Variants in MAU2 observed in about 807,000 individuals in gnomAD.
The protein encoded by MAU2 is MAU2 chromatid cohesion factor homolog.
In MAU2, 9 loss-of-function variants were observed where a neutral mutation model predicts 89.1. The ratio of observed to expected loss-of-function variants is 0.10; its 90% confidence interval spans 0.06 to 0.18. The LOEUF (loss-of-function observed/expected upper bound fraction) is 0.18, where lower values mean the gene tolerates loss of function less well. MAU2 is among the 10% of genes least tolerant of loss of function. The pLI is 1.00. For synonymous variants in MAU2, 357 were observed against 343.4 expected (o/e 1.04, Z -0.44); for missense variants, 425 against 803.5 (o/e 0.53, Z 5.69).
Position 19,345,534 on chromosome 19 carries a change from C to T in MAU2, c.1221+165C>T, listed in dbSNP as rs945980384. The stretch of plus-strand genomic sequence containing the variant: ...GCCCATGCCAGCCTTGGCAGTGACG[C>T]GCTGTTTATCTGGATAAGGGACAGC... On this transcript the variant is annotated intron_variant, in intron 12 of 18. Coordinates refer to ENST00000262815, the MANE Select transcript of MAU2 (RefSeq NM_015329.4). The surrounding 1 kb of genome is among the most constrained non-coding windows in gnomAD (Gnocchi z 4.9). Among the ~76,000 whole-genome samples the T allele has an allele frequency of 6.6e-6, 1 of 152,302 alleles. No homozygotes were observed. The highest frequency in any genetic ancestry group is 1.9e-4 in the East Asian group (1 of 5,186).
intron 1 of MAU2, among the ~76,000 whole-genome samples, chr19:19,324,996 G>A (rs1049099178): frequency 5.3e-5 from 8 of 151,922 alleles, no homozygotes; most frequent in African/African-American, 9.7e-5. Flanking sequence ...ATAAAGAATC[G>A]TATGTTCTCC....
chr19:19,322,966 C>G (rs2061473752), intron 1 of MAU2, among the ~76,000 whole-genome samples: 1 of 152,072 alleles, frequency 6.6e-6, no homozygotes, highest in African/African-American at 2.4e-5. Context: ...TCTCAGCCCA[C>G]TGCAACCTCC....
intron 17 of MAU2, 63 bp from the exon 18 acceptor site, chr19:19,355,201 G>A (rs905744280): frequency 1.6e-5 from 26 of 1,605,712 alleles, no homozygotes; most frequent in East Asian, 4.5e-5. Context: ...CATCTGCACC[G>A]AGTGGGAGGG....
intron 16 of MAU2, among the ~76,000 whole-genome samples, chr19:19,351,730 A>C (rs2146709120): frequency 6.6e-6 from 1 of 152,260 alleles, no homozygotes; most frequent in South Asian, 2.1e-4. Context: ...GTTCATAATT[A>C]AAAGGCTGAG....
At chr19:19,353,965 G>A (rs185129699) in intron 16 of MAU2, 14 of 239,012 alleles carry the variant, frequency 5.9e-5, no homozygotes, top group African/African-American at 2.2e-4. Context: ...AAGACAAACC[G>A]GAGGGGCTGC....
intron 1 of MAU2, among the ~76,000 whole-genome samples, chr19:19,323,995 A>G (rs1178503694): frequency 6.6e-6 from 1 of 152,196 alleles, no homozygotes; most frequent in Non-Finnish European, 1.5e-5. Context: ...GATTCATTCA[A>G]CAGATACTTG....
intron 16 of MAU2, chr19:19,353,721 C>T (rs568234984): frequency 1.3e-5 from 2 of 157,658 alleles, no homozygotes; most frequent in Non-Finnish European, 2.8e-5. Context: ...GTAGCACAGG[C>T]TCCTGTCTGC....
At chr19:19,322,941 A>AGT (rs1313224661) in intron 1 of MAU2, among the ~76,000 whole-genome samples, 69 of 152,212 alleles carry the variant, frequency 4.5e-4, no homozygotes, top group African/African-American at 1.6e-3. Flanking sequence ...CCGGGGCTGT[A>AGT]GCGCAATGGC....
chr19:19,358,386 C>A lies in MAU2; in HGVS notation c.*2604C>A, dbSNP rs2048202580. On this transcript the variant is annotated 3_prime_UTR_variant, in exon 19 of 19. Coordinates refer to ENST00000262815, the MANE Select transcript of MAU2 (RefSeq NM_015329.4). ...CTCCCCAGCTCTGTCCCTGTAGTCA[C>A]CTGCCGGTGGGCGAGGATCCTCTCC... is the stretch of plus-strand genomic sequence containing the variant. The A allele has an allele frequency of 2.0e-5, 3 of 152,196 alleles. No individual in the cohort carries two copies. Among genetic ancestry groups the A allele is most frequent in the Non-Finnish European group, 4.4e-5 (3 of 68,044 alleles). 9.4% of individuals were successfully genotyped at this position (152,196 alleles called of 1,614,324 possible).
At chr19:19,334,125 C>CT in intron 1 of MAU2, 1 of 978,288 alleles carries the variant, frequency 1.0e-6, no homozygotes, top group Non-Finnish European at 1.2e-6. Context: ...AAGCCCCCAA[C>CT]TTCTGCTCTT....
chr19:19,355,324 A>G lies in MAU2; in HGVS notation c.1700A>G (p.Asn567Ser). The change falls in exon 18 of 19, where the codon AAC becomes AGC. Residue 567 changes from asparagine to serine, a missense_variant. Physicochemically the swap from Asn to Ser is conservative, Grantham distance 46. Transcript: ENST00000262815. ...DAHEAAQMHQ[N>S]FSQQLLQDHI... is the part of the protein sequence containing the mutation. ...CATGAAGCCGCCCAGATGCACCAGA[A>G]CTTCTCGCAGCAGCTGCTCCAGGAC... is the stretch of plus-strand genomic sequence containing the variant. 1 of 1,614,070 alleles carries G rather than the reference A, an allele frequency of 6.2e-7. No individual in the cohort carries two copies. Among genetic ancestry groups the G allele is most frequent in the Non-Finnish European group, 8.5e-7 (1 of 1,179,984 alleles).
At chr19:19,349,082 A>G (rs890712523) in intron 14 of MAU2, 73 bp from the exon 15 acceptor site, 1 of 1,581,752 alleles carries the variant, frequency 6.3e-7, no homozygotes, top group Non-Finnish European at 8.7e-7. Flanking sequence ...AATAGCCCCC[A>G]GCTGCCCACT....
chr19:19,347,103 T>G, intron 12 of MAU2, 177 bp from the exon 13 acceptor site: 4 of 577,486 alleles, frequency 6.9e-6, no homozygotes, highest in Non-Finnish European at 9.3e-6. Flanking sequence ...GGTTTTATAA[T>G]GAGAAGAAGT....
At chr19:19,335,780 C>T (rs765572667) in intron 2 of MAU2, 45 bp downstream of exon 2, 1 of 1,603,548 alleles carries the variant, frequency 6.2e-7, no homozygotes, top group Non-Finnish European at 8.5e-7. Flanking sequence ...GAATTCTCCA[C>T]TTAAATAAAA....
intron 12 of MAU2, among the ~76,000 whole-genome samples, chr19:19,346,037 G>A (rs2061690149): frequency 6.6e-6 from 1 of 152,174 alleles, no homozygotes; most frequent in Admixed American, 6.5e-5. Context: ...AGGCTGCTCT[G>A]TCTGCCACTC....
In MAU2 at chr19:19,345,478, C is replaced by A; in HGVS notation, c.1221+109C>A. On this transcript the variant is annotated intron_variant, in intron 12 of 18. Transcript: ENST00000262815. This position sits in a 1 kb window ranked among gnomAD's most constrained non-coding sequence, Gnocchi z 4.9. ...GTCGCGCTAGGTCAGCTATGCAAAG[C>A]CGCAGCCCCAGAGGCAATGCACAGT... The A allele has an allele frequency of 1.9e-6, 2 of 1,063,982 alleles. No individual in the cohort carries two copies. The highest frequency in any genetic ancestry group is 2.9e-6 in the Non-Finnish European group (2 of 701,750). The allele number at this position is 1,063,982 out of a possible 1,614,324, so 65.9% of individuals were successfully genotyped here. A position where few individuals can be genotyped will look rare whatever the true frequency, so the allele number is the denominator to read the frequency against.
intron 16 of MAU2, among the ~76,000 whole-genome samples, chr19:19,351,329 AC>A (rs2061742158): frequency 6.6e-6 from 1 of 151,114 alleles, no homozygotes. Flanking sequence ...TTACAGCATG[AC>A]CCACTGTGCC....
rs533890329 is a variant in MAU2 at position 19,341,502 on chromosome 19, C to T, written c.735+95C>T. The T allele has an allele frequency of 2.3e-4, 338 of 1,450,032 alleles. 3 individuals are homozygous for T. In the South Asian group the frequency reaches 4.1e-3, roughly 18 times the overall value. The allele number at this position is 1,450,032 out of a possible 1,614,324, so 89.8% of individuals were successfully genotyped here. A position where few individuals can be genotyped will look rare whatever the true frequency, so the allele number is the denominator to read the frequency against. On this transcript the variant is annotated intron_variant, in intron 7 of 18. Coordinates refer to ENST00000262815, the MANE Select transcript of MAU2 (RefSeq NM_015329.4). The stretch of plus-strand genomic sequence containing the variant: ...TCTTGGGCTGTGAGGTCAGCTGTGT[C>T]ATCGCCTTACCTTGCCACACAACAG...
At position 19,355,827 on chromosome 19, in the gene MAU2, G is replaced by T. The variant is rs370354072; in HGVS notation, c.*45G>T. 1.9e-6 allele frequency: 3 copies of T among 1,552,878 alleles called. No individual in the cohort carries two copies. The East Asian group carries it at 6.7e-5, about 35-fold the overall frequency. ...AGCTCCGCAGGGCCTGCGCGTCTCCGGCTTCCACCCAGACGGCACTCAAGC... is the reference window on the plus strand; with the variant it reads ...AGCTCCGCAGGGCCTGCGCGTCTCCTGCTTCCACCCAGACGGCACTCAAGC... On this transcript the variant is annotated 3_prime_UTR_variant, in exon 19 of 19. Transcript: ENST00000262815.
Sources: gnomAD v4.1 joint callset for allele counts (sites outside exome capture counted in the v4.1 genomes callset) on GRCh38, gnomAD v4.1.1 for gene constraint, Gnocchi (gnomAD v3.1) non-coding constraint, MANE v1.5 for transcripts, NCBI Gene and HGNC (gene_info 2026-07-23, HGNC 2026-07-21) for gene names.